Variants in CDH13 observed in about 807,000 individuals in gnomAD.
The protein encoded by CDH13 is cadherin-13.
CDH13 carries 24 observed loss-of-function variants against 63.8 expected under a neutral mutation model. That is an observed-to-expected ratio of 0.38 (90% CI 0.27 to 0.53). The LOEUF (loss-of-function observed/expected upper bound fraction) is 0.53, where lower values mean the gene tolerates loss of function less well. CDH13 is among the 20% of genes least tolerant of loss of function. CDH13 has a pLI of 0.85. For missense variants in CDH13, 1,049 were observed against 903.1 expected, an observed-to-expected ratio of 1.16 and a Z score of -2.07; for synonymous variants, 503 against 355.3, an observed-to-expected ratio of 1.42 and a Z score of -4.67.
At chr16:83,021,071 G>A (rs543366264) in intron 2 of CDH13, among the ~76,000 whole-genome samples, 1 of 152,294 alleles carries the variant, frequency 6.6e-6, no homozygotes, top group African/African-American at 2.4e-5. Flanking sequence ...AAAATACCAA[G>A]AAGGGATCTC....
At chr16:83,645,892 G>A (rs943892678) in intron 8 of CDH13, among the ~76,000 whole-genome samples, 43 of 152,256 alleles carry the variant, frequency 2.8e-4, no homozygotes, top group South Asian at 1.0e-3. Context: ...AAAGGGAGAC[G>A]AAAATTGAGG....
chr16:83,735,262 C>A (rs1461), intron 10 of CDH13: 2 of 152,150 alleles, frequency 1.3e-5, no homozygotes, highest in Non-Finnish European at 2.9e-5. Flanking sequence ...CATTCGAGGG[C>A]TTTGTCCATT....
chr16:83,707,402 A>T (rs1171123335), intron 10 of CDH13, among the ~76,000 whole-genome samples: 2 of 152,224 alleles, frequency 1.3e-5, no homozygotes, highest in East Asian at 3.9e-4. Context: ...AACATTTCCA[A>T]ACACCAGGCA....
intron 4 of CDH13, among the ~76,000 whole-genome samples, chr16:83,128,943 A>C (rs1383041993): frequency 2.0e-5 from 3 of 152,228 alleles, no homozygotes; most frequent in Non-Finnish European, 4.4e-5. Context: ...CAAAACCTCT[A>C]GATGTTTTTT....
At chr16:82,799,145 C>T (rs575591535) in intron 1 of CDH13, among the ~76,000 whole-genome samples, 8 of 147,786 alleles carry the variant, frequency 5.4e-5, no homozygotes, top group East Asian at 2.0e-4. Flanking sequence ...ATGCCTTCAG[C>T]GTGTTCAAAA....
At chr16:82,665,382 G>C (rs983442813) in intron 1 of CDH13, among the ~76,000 whole-genome samples, 3 of 152,072 alleles carry the variant, frequency 2.0e-5, no homozygotes, top group African/African-American at 7.2e-5. Context: ...TTTAAACCGA[G>C]GCGCACGTAA....
chr16:83,093,543 C>G (rs12924147), intron 3 of CDH13, among the ~76,000 whole-genome samples: 18 of 151,970 alleles, frequency 1.2e-4, no homozygotes, highest in Non-Finnish European at 7.4e-5. Context: ...TGGTCTCGAA[C>G]TCCTGACCTC....
At chr16:83,246,829 T>A (rs72802264) in intron 5 of CDH13, among the ~76,000 whole-genome samples, 16,453 of 152,214 alleles carry the variant, frequency 0.11, 969 homozygotes, top group African/African-American at 0.14. Flanking sequence ...TGCCGTCTGT[T>A]TCCTTCTTCA....
intron 1 of CDH13, among the ~76,000 whole-genome samples, chr16:82,674,021 G>A (rs191384755): frequency 1.7e-4 from 26 of 152,198 alleles, no homozygotes; most frequent in African/African-American, 6.3e-4. Flanking sequence ...TCTAGGGCTC[G>A]AAGAAGGGGA....
chr16:83,090,489 G>A (rs1455885068), intron 3 of CDH13, among the ~76,000 whole-genome samples: 2 of 150,600 alleles, frequency 1.3e-5, no homozygotes, highest in African/African-American at 4.9e-5. Flanking sequence ...CGGGAGAATC[G>A]CTTGAACCCA....
intron 1 of CDH13, among the ~76,000 whole-genome samples, chr16:82,815,138 A>G (rs2037643307): frequency 6.6e-6 from 1 of 152,104 alleles, no homozygotes; most frequent in African/African-American, 2.4e-5. Context: ...CTGAATGCAC[A>G]GTAGGGTACT....
At chr16:83,112,246 T>C (rs1368299505) in intron 3 of CDH13, among the ~76,000 whole-genome samples, 1 of 152,220 alleles carries the variant, frequency 6.6e-6, no homozygotes, top group Admixed American at 6.5e-5. Flanking sequence ...GGCTAATTAC[T>C]CTAGCAAACC....
chr16:83,279,480 C>T (rs1042371998), intron 5 of CDH13, among the ~76,000 whole-genome samples: 1 of 152,178 alleles, frequency 6.6e-6, no homozygotes, highest in Non-Finnish European at 1.5e-5. Context: ...ACATTAAAAT[C>T]ATTCAAACGC....
rs151322827 is a variant in CDH13, at chr16:82,785,810, A to T, written c.46-72552A>T. Among the ~76,000 whole-genome samples, 6 of 152,358 alleles carry T rather than the reference A, an allele frequency of 3.9e-5. No homozygotes were observed. The East Asian group carries it at 1.2e-3, about 29-fold the overall frequency. On this transcript the variant is annotated intron_variant, in intron 1 of 13. Transcript: ENST00000567109. ...ACCGCAAAAGAAATAGCAGTCGAAT[A>T]TAAAATTTTATTTTTAATTCTCAGC... is the stretch of plus-strand genomic sequence containing the variant.
At chr16:82,877,596 G>A (rs186801559) in intron 2 of CDH13, among the ~76,000 whole-genome samples, 1 of 152,244 alleles carries the variant, frequency 6.6e-6, no homozygotes, top group Non-Finnish European at 1.5e-5. Context: ...AACATATTTT[G>A]AAGTTAAGTA....
chr16:82,797,774 CGTGTGTGTGTGTGT>C (rs3046484), intron 1 of CDH13, among the ~76,000 whole-genome samples: 88 of 145,648 alleles, frequency 6.0e-4, no homozygotes, highest in African/African-American at 1.9e-3. Flanking sequence ...ACTTTAGGGC[CGTGTGTGTGTGTGT>C]GTGTGTGTGT....
intron 9 of CDH13, among the ~76,000 whole-genome samples, chr16:83,673,175 A>G (rs2150861791): frequency 6.6e-6 from 1 of 152,358 alleles, no homozygotes; most frequent in East Asian, 1.9e-4. Flanking sequence ...ACTATCGCAC[A>G]TCTACTGTTG....
intron 6 of CDH13, among the ~76,000 whole-genome samples, chr16:83,432,026 A>G (rs555640487): frequency 6.6e-6 from 1 of 152,234 alleles, no homozygotes; most frequent in East Asian, 1.9e-4. Context: ...GAGAAGGAGG[A>G]AGGGGAGAAA....
rs958832052 is a variant in CDH13, at chr16:83,670,730, A to G, written c.1102-60A>G. On this transcript the variant is annotated intron_variant, in intron 8 of 13. Transcript: ENST00000567109. ...GTGTGTAACATACCCAATGCAAAGC[A>G]TGTAGTAAATGACTATGTGTTTTCA... 4.8e-6 allele frequency: 7 copies of G among 1,447,076 alleles called. No homozygotes were observed. In the African/African-American group the frequency reaches 7.0e-5, roughly 14 times the overall value. 89.6% of individuals were successfully genotyped at this position (1,447,076 alleles called of 1,614,324 possible). A position where few individuals can be genotyped will look rare whatever the true frequency, so the allele number is the denominator to read the frequency against.
Sources: allele counts gnomAD v4.1 joint callset (sites outside exome capture counted in the v4.1 genomes callset), GRCh38; gene constraint gnomAD v4.1.1; transcripts MANE v1.5; gene names NCBI Gene and HGNC (gene_info 2026-07-23, HGNC 2026-07-21).